LARGE1: variants seen among roughly 807,000 people sequenced by gnomAD.
LARGE1 encodes xylosyl- and glucuronyltransferase LARGE1.
Under a neutral mutation model 87.6 loss-of-function variants are expected in LARGE1, and 43 were observed. That is an observed-to-expected ratio of 0.49 (90% CI 0.38 to 0.63). LARGE1 has a LOEUF of 0.63. Ranked by LOEUF, LARGE1 falls within the 30% of genes least tolerant of loss-of-function variation. The pLI is 0.00. For synonymous variants in LARGE1, 434 were observed against 394.6 expected (o/e 1.10, Z -1.18); for missense variants, 802 against 1,000.2 (o/e 0.80, Z 2.67).
At chr22:33,729,123 A>C (rs922996229) in intron 2 of LARGE1, among the ~76,000 whole-genome samples, 8 of 152,224 alleles carry the variant, frequency 5.3e-5, no homozygotes, top group Non-Finnish European at 8.8e-5. Context: ...TTCATTTATA[A>C]TATAAACCTT....
At chr22:33,305,358 T>TAAAAAAAAAAAAAAAAA (rs60727771) in intron 11 of LARGE1, among the ~76,000 whole-genome samples, 1 of 98,620 alleles carries the variant, frequency 1.0e-5, no homozygotes. Flanking sequence ...GGGAAAAAAT[T>TAAAAAAAAAAAAAAAAA]AAAAAAAAAA....
At chr22:33,067,523 C>CT in the LARGE1 span, among the ~76,000 whole-genome samples, 1 of 152,132 alleles carries the variant, frequency 6.6e-6, no homozygotes, top group Non-Finnish European at 1.5e-5. Context: ...TTCAGTGACA[C>CT]TTTAAGATAG....
intron 4 of LARGE1, among the ~76,000 whole-genome samples, chr22:33,608,228 A>AT (rs1459060895): frequency 6.6e-6 from 1 of 152,220 alleles, no homozygotes; most frequent in Non-Finnish European, 1.5e-5. Flanking sequence ...GGGCAGCTTA[A>AT]TTTTAGCCAT....
At chr22:33,778,979 G>C (rs778556040) in intron 1 of LARGE1, among the ~76,000 whole-genome samples, 2 of 152,122 alleles carry the variant, frequency 1.3e-5, no homozygotes, top group Non-Finnish European at 2.9e-5. Context: ...CTGATTAATA[G>C]TCCATTGCAC....
intron 6 of LARGE1, among the ~76,000 whole-genome samples, chr22:33,445,432 G>A (rs964510414): frequency 2.6e-5 from 4 of 152,212 alleles, no homozygotes; most frequent in African/African-American, 9.6e-5. Flanking sequence ...ATGAAATAAG[G>A]ATTTAATAGA....
the LARGE1 span, among the ~76,000 whole-genome samples, chr22:33,133,389 C>T: frequency 3.9e-5 from 6 of 152,100 alleles, no homozygotes; most frequent in Admixed American, 1.3e-4. Context: ...TCCATGTGTT[C>T]TCATTGTTCA....
Position 33,384,280 on chromosome 22 carries a change from T to A in LARGE1, c.917A>T (p.Lys306Met), listed in dbSNP as rs1240830490. The A allele has an allele frequency of 6.2e-7, 1 of 1,613,776 alleles. No individual in the cohort carries two copies. Among genetic ancestry groups the A allele is most frequent in the African/African-American group, 1.3e-5 (1 of 74,866 alleles). Residue 306 changes from lysine to methionine, a missense_variant, in exon 8 of 15, where the codon AAG becomes ATG. Physicochemically the swap from Lys to Met is moderately conservative, Grantham distance 95 (BLOSUM62 -1). This residue lies in a region of LARGE1 where 625 missense variants were observed against 841.9 expected (regional missense o/e 0.74). Coordinates refer to ENST00000397394, the MANE Select transcript of LARGE1 (RefSeq NM_133642.5). ...CTGCTCCCATTTCATCTTCCGCAGC[T>A]TATCCAGAAGTAACAGGATCACCCC... ...NTGVILLLLDKLRKMKWEQMW... is the reference protein window; with the variant it reads ...NTGVILLLLDMLRKMKWEQMW...
intron 2 of LARGE1, among the ~76,000 whole-genome samples, chr22:33,705,870 G>C (rs1168433472): frequency 3.3e-5 from 5 of 152,170 alleles, no homozygotes; most frequent in African/African-American, 4.8e-5. Context: ...TTTAATACGT[G>C]CAGGCATTGT....
At chr22:33,416,642 C>T (rs540194120) in intron 7 of LARGE1, among the ~76,000 whole-genome samples, 25 of 152,116 alleles carry the variant, frequency 1.6e-4, no homozygotes, top group African/African-American at 4.3e-4. Flanking sequence ...CTCGCATTGT[C>T]GCCCAGCCTG....
At chr22:33,099,821 C>A in the LARGE1 span, among the ~76,000 whole-genome samples, 1 of 152,182 alleles carries the variant, frequency 6.6e-6, no homozygotes, top group African/African-American at 2.4e-5. Context: ...TCATGAAATG[C>A]CTTCAGTGAT....
chr22:33,840,523 G>A (rs1006828594), intron 1 of LARGE1, among the ~76,000 whole-genome samples: 3 of 152,064 alleles, frequency 2.0e-5, no homozygotes, highest in Non-Finnish European at 4.4e-5. Context: ...TGGTGTGAAA[G>A]GTTCTAGCAT....
At chr22:33,676,202 T>C (rs2149282066) in intron 2 of LARGE1, among the ~76,000 whole-genome samples, 1 of 151,098 alleles carries the variant, frequency 6.6e-6, no homozygotes, top group Non-Finnish European at 1.5e-5. Flanking sequence ...ACAGCTTGAG[T>C]TTACCCTAAA....
chr22:33,362,751 G>A (rs752194565), intron 9 of LARGE1, among the ~76,000 whole-genome samples: 3 of 150,052 alleles, frequency 2.0e-5, no homozygotes, highest in Non-Finnish European at 3.0e-5. Context: ...CAAACTAAAC[G>A]CTTTGCAACA....
chr22:33,071,282 A>G, the LARGE1 span, among the ~76,000 whole-genome samples: 1 of 152,206 alleles, frequency 6.6e-6, no homozygotes, highest in Non-Finnish European at 1.5e-5. Context: ...CTATGAAGAT[A>G]TTTATGGGTT....
chr22:33,750,028 G>A (rs1195807434), intron 2 of LARGE1, among the ~76,000 whole-genome samples: 2 of 152,060 alleles, frequency 1.3e-5, no homozygotes, highest in Non-Finnish European at 2.9e-5. Flanking sequence ...AGTTGTTTGG[G>A]GGAATAAATG....
At chr22:33,853,591 G>C (rs1000829580) in intron 1 of LARGE1, among the ~76,000 whole-genome samples, 1 of 152,192 alleles carries the variant, frequency 6.6e-6, no homozygotes, top group African/African-American at 2.4e-5. Flanking sequence ...ACAGATACAT[G>C]TGGCCTACAT....
At chr22:33,500,083 G>C (rs73166300) in intron 6 of LARGE1, among the ~76,000 whole-genome samples, 2,237 of 152,226 alleles carry the variant, frequency 0.015, 23 homozygotes, top group Non-Finnish European at 0.023. Context: ...ACTAAAATAT[G>C]TAATTTTATA....
chr22:33,463,067 G>A (rs983329538), intron 6 of LARGE1, among the ~76,000 whole-genome samples: 1 of 152,080 alleles, frequency 6.6e-6, no homozygotes, highest in Non-Finnish European at 1.5e-5. Flanking sequence ...TCATTCTAAA[G>A]AAGGTTAGAA....
chr22:33,145,685 G>A, the LARGE1 span, among the ~76,000 whole-genome samples: 64,116 of 152,020 alleles, frequency 0.42, 13,976 homozygotes, highest in South Asian at 0.68. Flanking sequence ...CTAACAGCAT[G>A]GGCCTTTTCC....
Sources: allele counts gnomAD v4.1 joint callset (sites outside exome capture counted in the v4.1 genomes callset), GRCh38; gene constraint gnomAD v4.1.1; regional missense constraint gnomAD v4.1.1; transcripts MANE v1.5; gene names NCBI Gene and HGNC (gene_info 2026-07-23, HGNC 2026-07-21).